GNA11: variants seen among roughly 807,000 people sequenced by gnomAD.
The protein encoded by GNA11 is guanine nucleotide-binding protein subunit alpha-11.
A neutral mutation model predicts 38.2 loss-of-function variants in GNA11; 8 were observed. That is an observed-to-expected ratio of 0.21 (90% CI 0.12 to 0.38). The LOEUF (loss-of-function observed/expected upper bound fraction) is 0.38, where lower values mean the gene tolerates loss of function less well. GNA11 is among the 10% of genes least tolerant of loss of function. The pLI is 1.00. For missense variants in GNA11, 268 were observed against 516.3 expected (o/e 0.52, Z 4.66); for synonymous variants, 211 against 221.4 (o/e 0.95, Z 0.42).
At chr19:3,098,768 G>T (rs1189460091) in intron 1 of GNA11, among the ~76,000 whole-genome samples, 1 of 152,220 alleles carries the variant, frequency 6.6e-6, no homozygotes, top group Non-Finnish European at 1.5e-5. Flanking sequence ...GCTGTGCCGT[G>T]TCCCAGAAGA....
intron 1 of GNA11, among the ~76,000 whole-genome samples, chr19:3,096,750 C>T (rs1252910493): frequency 2.0e-5 from 3 of 152,092 alleles, no homozygotes; most frequent in Non-Finnish European, 4.4e-5. Flanking sequence ...CCCTATCAGC[C>T]TGTAAGACGG....
chr19:3,114,894 T>G, intron 3 of GNA11, 50 bp from the exon 4 acceptor site: 2 of 1,555,148 alleles, frequency 1.3e-6, no homozygotes, highest in Non-Finnish European at 1.7e-6. Flanking sequence ...GTCCCTGTCC[T>G]GCCCCCCCAC....
rs746837168 is a variant in GNA11 at position 3,119,409 on chromosome 19, G to GTC, written c.889+50_889+51insTC. On this transcript the variant is annotated intron_variant, in intron 6 of 6. Transcript: ENST00000078429. This position sits in a 1 kb window ranked among gnomAD's most constrained non-coding sequence, Gnocchi z 4.6. ...GGGGCTCGCGGGCAGGGCCTTACTG[G>GTC]GGGGAGGGGGCTGATATGGGAGAGG... is the stretch of plus-strand genomic sequence containing the variant. 4 of 1,557,560 alleles carry GTC rather than the reference G, an allele frequency of 2.6e-6. No homozygotes were observed. Among genetic ancestry groups the GTC allele is most frequent in the Admixed American group, 1.7e-5 (1 of 58,620 alleles).
At position 3,108,772 on chromosome 19, in the gene GNA11, G is replaced by A. The variant is rs1337241321; in HGVS notation, c.137-1377G>A. On this transcript the variant is annotated intron_variant, in intron 1 of 6. Coordinates refer to ENST00000078429, the MANE Select transcript of GNA11 (RefSeq NM_002067.5). This position sits in a 1 kb window ranked among gnomAD's most constrained non-coding sequence, Gnocchi z 4.5. Reference sequence around the variant, plus strand: ...ACTTTGTTGAGTGATCCTGGCTTGGGGTCTCTCAGAAGTTGTAGTCAGGAT... The same window carrying A: ...ACTTTGTTGAGTGATCCTGGCTTGGAGTCTCTCAGAAGTTGTAGTCAGGAT... Among the ~76,000 whole-genome samples the A allele has an allele frequency of 6.6e-6, 1 of 152,186 alleles. No homozygotes were observed. Among genetic ancestry groups the A allele is most frequent in the Non-Finnish European group, 1.5e-5 (1 of 68,038 alleles).
chr19:3,095,826 G>T (rs1913349719), intron 1 of GNA11, among the ~76,000 whole-genome samples: 1 of 152,028 alleles, frequency 6.6e-6, no homozygotes, highest in Non-Finnish European at 1.5e-5. Flanking sequence ...CCACCTGCCG[G>T]CTCCTCCCCA....
chr19:3,104,434 C>T (rs1045474147), intron 1 of GNA11, among the ~76,000 whole-genome samples: 2 of 152,174 alleles, frequency 1.3e-5, no homozygotes, highest in African/African-American at 2.4e-5. Flanking sequence ...CACTGTGGGG[C>T]GGCCTGTGGC....
chr19:3,116,431 C>T (rs910264351), intron 4 of GNA11, among the ~76,000 whole-genome samples: 9 of 152,072 alleles, frequency 5.9e-5, no homozygotes, highest in East Asian at 1.9e-4. Context: ...AGGCCTCACT[C>T]GGCTCCTAGT....
chr19:3,102,192 C>T (rs1913523101), intron 1 of GNA11, among the ~76,000 whole-genome samples: 1 of 152,052 alleles, frequency 6.6e-6, no homozygotes, highest in Non-Finnish European at 1.5e-5. Context: ...GGGGTGGGGT[C>T]ACTCCCACTT....
At chr19:3,098,499 A>G (rs1217804270) in intron 1 of GNA11, among the ~76,000 whole-genome samples, 2 of 152,164 alleles carry the variant, frequency 1.3e-5, no homozygotes, top group East Asian at 3.8e-4. Flanking sequence ...GTGGTTGGAA[A>G]CGTGGGGACT....
intron 1 of GNA11, among the ~76,000 whole-genome samples, chr19:3,097,990 G>C (rs1412740654): frequency 6.6e-6 from 1 of 152,250 alleles, no homozygotes; most frequent in East Asian, 1.9e-4. Context: ...ACCCTTTACT[G>C]TGTGGTAGCG....
intron 1 of GNA11, among the ~76,000 whole-genome samples, chr19:3,105,127 C>T (rs868626709): frequency 6.6e-6 from 1 of 152,034 alleles, no homozygotes; most frequent in African/African-American, 2.4e-5. Flanking sequence ...GGGTTTGACT[C>T]GTCACCCGTG....
Position 3,120,829 on chromosome 19 carries a change from GGGAGGGGAGCTGCGGCCCGTCA to G in GNA11, c.890-157_890-136del, listed in dbSNP as rs1488851072. Among the ~76,000 whole-genome samples, 1 of 152,128 alleles carries G rather than the reference GGGAGGGGAGCTGCGGCCCGTCA, an allele frequency of 6.6e-6. No individual in the cohort carries two copies. Among genetic ancestry groups the G allele is most frequent in the Non-Finnish European group, 1.5e-5 (1 of 67,990 alleles). ...ATTGGCACCGCAGCTCACCTGGGGA[GGGAGGGGAGCTGCGGCCCGTCA>G]GGCATGCAGTGGGCTGGGGGTCGAG... On this transcript the variant is annotated intron_variant, in intron 6 of 6. Coordinates refer to ENST00000078429, the MANE Select transcript of GNA11 (RefSeq NM_002067.5). This position sits in a 1 kb window ranked among gnomAD's most constrained non-coding sequence, Gnocchi z 5.9.
intron 1 of GNA11, among the ~76,000 whole-genome samples, chr19:3,100,178 C>T (rs1442221749): frequency 2.0e-5 from 3 of 152,190 alleles, no homozygotes; most frequent in Non-Finnish European, 2.9e-5. Flanking sequence ...TCCCCAGCCT[C>T]GGCTCCGTGG....
chr19:3,095,285 C>G (rs1913336379), intron 1 of GNA11, among the ~76,000 whole-genome samples: 1 of 152,138 alleles, frequency 6.6e-6, no homozygotes, highest in South Asian at 2.1e-4. Context: ...CTCCAGGACT[C>G]TTCAGGATTT....
At chr19:3,109,301 G>C (rs972932160) in intron 1 of GNA11, among the ~76,000 whole-genome samples, 1 of 152,196 alleles carries the variant, frequency 6.6e-6, no homozygotes, top group Admixed American at 6.5e-5. Flanking sequence ...CAGAATGTGT[G>C]GGGGGCTCAT....
intron 4 of GNA11, chr19:3,118,542 C>A: frequency 4.6e-6 from 1 of 215,430 alleles, no homozygotes; most frequent in Non-Finnish European, 9.4e-6. Flanking sequence ...GTGTCCCTGG[C>A]CCAGTGAGGG....
Position 3,094,838 on chromosome 19 carries a change from C to G in GNA11, c.136+51C>G. ...GCTGCGGGCCCTGCCCTGCCTGTGC[C>G]TGCCCTGCCTGTCCGGGTCGGGCCG... On this transcript the variant is annotated intron_variant, in intron 1 of 6. Coordinates refer to ENST00000078429, the MANE Select transcript of GNA11 (RefSeq NM_002067.5). This position sits in a 1 kb window ranked among gnomAD's most constrained non-coding sequence, Gnocchi z 6.0. The G allele has an allele frequency of 7.3e-7, 1 of 1,371,514 alleles. No homozygotes were observed. The highest frequency in any genetic ancestry group is 9.7e-7 in the Non-Finnish European group (1 of 1,035,322). The allele number at this position is 1,371,514 out of a possible 1,614,324, so 85.0% of individuals were successfully genotyped here. A position where few individuals can be genotyped will look rare whatever the true frequency, so the allele number is the denominator to read the frequency against.
At position 3,123,573 on chromosome 19, in the gene GNA11, T is replaced by C. The variant is rs569354292; in HGVS notation, c.*2394T>C. ...TTTCTCGTGAGTGCCGACCACCTTC[T>C]CCGACCATGTTACGCCCGGGCGGCA... On this transcript the variant is annotated 3_prime_UTR_variant, in exon 7 of 7. Transcript: ENST00000078429. 3.9e-4 allele frequency: 91 copies of C among 233,118 alleles called. No individual in the cohort carries two copies. The highest frequency in any genetic ancestry group is 2.4e-3 in the South Asian group (13 of 5,526). 14.4% of individuals were successfully genotyped at this position (233,118 alleles called of 1,614,324 possible).
chr19:3,098,657 G>A (rs961032918), intron 1 of GNA11, among the ~76,000 whole-genome samples: 23 of 152,224 alleles, frequency 1.5e-4, no homozygotes, highest in Non-Finnish European at 4.4e-5. Flanking sequence ...GACAAGGCCC[G>A]GGATCCAGCA....
Sources: allele counts gnomAD v4.1 joint callset (sites outside exome capture counted in the v4.1 genomes callset), GRCh38; gene constraint gnomAD v4.1.1; non-coding constraint Gnocchi (gnomAD v3.1); transcripts MANE v1.5; gene names NCBI Gene and HGNC (gene_info 2026-07-23, HGNC 2026-07-21).